The following SYNDIG1 variants were observed in gnomAD, a reference collection of about 807,000 sequenced individuals.
SYNDIG1 encodes synapse differentiation-inducing gene protein 1.
A neutral mutation model predicts 19.4 loss-of-function variants in SYNDIG1; 9 were observed. That is an observed-to-expected ratio of 0.46 (90% confidence interval 0.28 to 0.81). SYNDIG1 has a LOEUF of 0.81. Among genes scored for constraint, SYNDIG1 ranks in the 30% least tolerant of loss-of-function variants. The probability of loss-of-function intolerance (pLI) is 0.12; values close to 1 mark genes in which losing one functional copy is unlikely to be tolerated. For missense variants in SYNDIG1, 311 were observed against 343.3 expected, an observed-to-expected ratio of 0.91 and a Z score of 0.74; for synonymous variants, 141 against 145.9, an observed-to-expected ratio of 0.97 and a Z score of 0.24.
chr20:24,549,140 C>T (rs1204381564), intron 2 of SYNDIG1, among the ~76,000 whole-genome samples: 1 of 152,058 alleles, frequency 6.6e-6, no homozygotes, highest in East Asian at 1.9e-4. Flanking sequence ...TTTCATGCTA[C>T]AGTGCTGTAG....
chr20:24,623,517 C>T (rs904353927), intron 3 of SYNDIG1, among the ~76,000 whole-genome samples: 1 of 152,112 alleles, frequency 6.6e-6, no homozygotes, highest in African/African-American at 2.4e-5. Flanking sequence ...GTTTTTCTTA[C>T]TCATAATTTA....
intron 3 of SYNDIG1, among the ~76,000 whole-genome samples, chr20:24,662,134 G>A (rs866717571): frequency 4.0e-5 from 6 of 151,758 alleles, no homozygotes; most frequent in South Asian, 4.2e-4. Flanking sequence ...GGTGGTACGA[G>A]GTGGCTGGAC....
chr20:24,470,126 G>A (rs1466251111), intron 1 of SYNDIG1, among the ~76,000 whole-genome samples: 1 of 152,220 alleles, frequency 6.6e-6, no homozygotes, highest in Non-Finnish European at 1.5e-5. Context: ...AACTGAGAGC[G>A]TAGCGGAGCC....
chr20:24,496,038 G>T (rs951089217), intron 1 of SYNDIG1, among the ~76,000 whole-genome samples: 1 of 152,008 alleles, frequency 6.6e-6, no homozygotes, highest in Non-Finnish European at 1.5e-5. Flanking sequence ...GTGGAGACAG[G>T]GTTTCACCAT....
chr20:24,560,416 C>T (rs2057917703), intron 2 of SYNDIG1, among the ~76,000 whole-genome samples: 1 of 151,984 alleles, frequency 6.6e-6, no homozygotes, highest in African/African-American at 2.4e-5. Flanking sequence ...GATAATTGAT[C>T]TTTCAAATGT....
chr20:24,599,855 G>A (rs1157854444), intron 3 of SYNDIG1, among the ~76,000 whole-genome samples: 2 of 152,192 alleles, frequency 1.3e-5, no homozygotes, highest in East Asian at 1.9e-4. Context: ...GGACGATGAA[G>A]AGTAGTGAGT....
At chr20:24,647,337 C>CA (rs1189159741) in intron 3 of SYNDIG1, among the ~76,000 whole-genome samples, 1 of 152,186 alleles carries the variant, frequency 6.6e-6, no homozygotes, top group African/African-American at 2.4e-5. Flanking sequence ...CTGGAGCTGA[C>CA]ACAGGGCAGT....
At position 24,560,694 on chromosome 20, in the gene SYNDIG1, CT is replaced by C. The variant is rs10658853; in HGVS notation, c.480+17138del. Among the ~76,000 whole-genome samples the C allele has an allele frequency of 4.2e-3, 478 of 113,798 alleles. 18 individuals are homozygous for C. Among genetic ancestry groups the C allele is most frequent in the South Asian group, 0.011 (39 of 3,464 alleles). The allele number at this position is 113,798 out of a possible 152,430, so 74.7% of individuals were successfully genotyped here. A position where few individuals can be genotyped will look rare whatever the true frequency, so the allele number is the denominator to read the frequency against. ...CCCCCGAGACAGTTTCTGTTGACTA[CT>C]TTTTTTTTTTTTTTTTTTTTAAACT... On this transcript the variant is annotated intron_variant, in intron 2 of 3. Coordinates refer to ENST00000376862, the MANE Select transcript of SYNDIG1 (RefSeq NM_024893.3).
At chr20:24,491,133 G>A (rs940624541) in intron 1 of SYNDIG1, among the ~76,000 whole-genome samples, 1 of 152,190 alleles carries the variant, frequency 6.6e-6, no homozygotes, top group Admixed American at 6.5e-5. Flanking sequence ...CAGAAAATAT[G>A]TTTCAATAGC....
Position 24,522,991 on chromosome 20 carries a change from G to T in SYNDIG1, c.-78-20029G>T, listed in dbSNP as rs141060763. Among the ~76,000 whole-genome samples, 17 of 152,290 alleles carry T rather than the reference G, an allele frequency of 1.1e-4. No homozygotes were observed. The East Asian group carries it at 3.3e-3, about 29-fold the overall frequency. On this transcript the variant is annotated intron_variant, in intron 1 of 3. Transcript: ENST00000376862. ...CCCATGACCCACACACCTCCTGTTA[G>T]GCCTGCCTTCAACACTGGTGATCAC...
chr20:24,490,245 C>T (rs898160981), intron 1 of SYNDIG1, among the ~76,000 whole-genome samples: 4 of 152,212 alleles, frequency 2.6e-5, no homozygotes, highest in Admixed American at 2.0e-4. Context: ...GATCACAGTT[C>T]CCAGAGTACT....
At position 24,658,658 on chromosome 20, in the gene SYNDIG1, C is replaced by A. The variant is rs1227120668; in HGVS notation, c.619-6688C>A. 4.6e-5 allele frequency among the ~76,000 whole-genome samples: 7 copies of A among 151,458 alleles called. No homozygotes were observed. The highest frequency in any genetic ancestry group is 1.7e-4 in the African/African-American group (7 of 41,182). ...TCACTGAATGTGAAATAGATTCCCA[C>A]GAGGCATGTGGGTGTGGAGCCTGTT... is the stretch of plus-strand genomic sequence containing the variant. On this transcript the variant is annotated intron_variant, in intron 3 of 3. Coordinates refer to ENST00000376862, the MANE Select transcript of SYNDIG1 (RefSeq NM_024893.3). The surrounding 1 kb of genome is among the most constrained non-coding windows in gnomAD (Gnocchi z 4.4).
chr20:24,627,401 T>C (rs752590892), intron 3 of SYNDIG1, among the ~76,000 whole-genome samples: 1 of 152,172 alleles, frequency 6.6e-6, no homozygotes, highest in Non-Finnish European at 1.5e-5. Context: ...TGAAAAACTG[T>C]TGATGCCTGG....
At chr20:24,598,070 C>T (rs1336959732) in intron 3 of SYNDIG1, among the ~76,000 whole-genome samples, 1 of 152,158 alleles carries the variant, frequency 6.6e-6, no homozygotes, top group African/African-American at 2.4e-5. Context: ...CCAGGACAGC[C>T]TTGTTTTGAG....
intron 1 of SYNDIG1, among the ~76,000 whole-genome samples, chr20:24,507,912 A>G (rs1158809136): frequency 1.3e-5 from 2 of 152,146 alleles, no homozygotes; most frequent in Non-Finnish European, 2.9e-5. Context: ...CTGTTCCACA[A>G]CCCAGGAACC....
At chr20:24,626,413 C>G (rs1023562443) in intron 3 of SYNDIG1, among the ~76,000 whole-genome samples, 8 of 147,474 alleles carry the variant, frequency 5.4e-5, no homozygotes, top group South Asian at 4.4e-4. Flanking sequence ...GTGGCCGGGC[C>G]GAGGCGCTCC....
intron 3 of SYNDIG1, among the ~76,000 whole-genome samples, chr20:24,615,877 A>G (rs1568686859): frequency 8.5e-6 from 1 of 117,322 alleles, no homozygotes; most frequent in Non-Finnish European, 1.6e-5. Flanking sequence ...TAAGAGGTCC[A>G]GGGAAATCAT....
intron 3 of SYNDIG1, among the ~76,000 whole-genome samples, chr20:24,597,710 G>A (rs779988475): frequency 5.9e-5 from 9 of 152,124 alleles, no homozygotes; most frequent in Non-Finnish European, 8.8e-5. Context: ...CCAGGCCAGC[G>A]AACACGGGGG....
At chr20:24,634,513 C>T (rs768866723) in intron 3 of SYNDIG1, among the ~76,000 whole-genome samples, 32 of 152,170 alleles carry the variant, frequency 2.1e-4, no homozygotes, top group Non-Finnish European at 4.1e-4. Context: ...AATGTGAATG[C>T]CTGTCTTTCC....
Sources: allele counts gnomAD v4.1 joint callset (sites outside exome capture counted in the v4.1 genomes callset), GRCh38; gene constraint gnomAD v4.1.1; non-coding constraint Gnocchi (gnomAD v3.1); transcripts MANE v1.5; gene names NCBI Gene and HGNC (gene_info 2026-07-23, HGNC 2026-07-21).